Variants in HECW1 observed in about 807,000 individuals in gnomAD.
The protein encoded by HECW1 is HECT, C2 and WW domain containing E3 ubiquitin protein ligase 1, also known as E3 ubiquitin-protein ligase HECW1.
A neutral mutation model predicts 182.3 loss-of-function variants in HECW1; 61 were observed. The observed-to-expected ratio is 0.33, with a 90% CI of 0.27 to 0.41. The LOEUF (loss-of-function observed/expected upper bound fraction) is 0.41. Among genes scored for constraint, HECW1 ranks in the 10% least tolerant of loss-of-function variants. HECW1 has a pLI of 1.00. For missense variants in HECW1, 1,739 were observed against 2,108.9 expected, an observed-to-expected ratio of 0.82 and a Z score of 3.44; for synonymous variants, 859 against 832.6, an observed-to-expected ratio of 1.03 and a Z score of -0.55.
At chr7:43,540,031 C>T (rs2081308494) in intron 24 of HECW1, among the ~76,000 whole-genome samples, 1 of 152,162 alleles carries the variant, frequency 6.6e-6, no homozygotes, top group South Asian at 2.1e-4. Flanking sequence ...CTAGTCTCTT[C>T]AGAGTCAATA....
intron 3 of HECW1, among the ~76,000 whole-genome samples, chr7:43,260,563 T>C (rs1801065871): frequency 6.6e-6 from 1 of 152,172 alleles, no homozygotes; most frequent in South Asian, 2.1e-4. Flanking sequence ...GTTTGAAAAA[T>C]TCTGGATAAA....
At chr7:43,184,876 A>G (rs1298296556) in intron 2 of HECW1, among the ~76,000 whole-genome samples, 3 of 152,104 alleles carry the variant, frequency 2.0e-5, no homozygotes, top group African/African-American at 7.2e-5. Context: ...GGCAGGTCTT[A>G]CATGGCTGGA....
chr7:43,282,280 GGA>G (rs1217769993), intron 3 of HECW1, among the ~76,000 whole-genome samples: 1 of 152,204 alleles, frequency 6.6e-6, no homozygotes, highest in Non-Finnish European at 1.5e-5. Flanking sequence ...GCAGGTGGCA[GGA>G]CAAGGCAAGG....
chr7:43,496,263 A>G (rs557108316), intron 19 of HECW1, among the ~76,000 whole-genome samples: 1 of 151,522 alleles, frequency 6.6e-6, no homozygotes, highest in South Asian at 2.1e-4. Flanking sequence ...GGAAGCACTT[A>G]TGGACTCTCC....
At chr7:43,561,719 G>T (rs2035190093) in intron 29 of HECW1, 96 bp from the exon 30 acceptor site, 2 of 800,388 alleles carry the variant, frequency 2.5e-6, no homozygotes, top group African/African-American at 1.7e-5. Flanking sequence ...GCTCACTTTT[G>T]ATTCCTTTTT....
At chr7:43,381,638 C>T (rs1442225946) in intron 6 of HECW1, among the ~76,000 whole-genome samples, 1 of 152,136 alleles carries the variant, frequency 6.6e-6, no homozygotes, top group Non-Finnish European at 1.5e-5. Context: ...TCTCTCCTGT[C>T]TCAACCTCCC....
At chr7:43,548,643 T>A (rs2081664762) in intron 26 of HECW1, among the ~76,000 whole-genome samples, 2 of 152,094 alleles carry the variant, frequency 1.3e-5, no homozygotes, top group African/African-American at 4.8e-5. Flanking sequence ...TTTTTTCTCA[T>A]ATAAAAGCCC....
rs532706958 is a variant in HECW1, at chr7:43,412,295, C to T, written c.801+4564C>T. Among the ~76,000 whole-genome samples the T allele has an allele frequency of 5.3e-5, 8 of 152,046 alleles. No homozygotes were observed. In the East Asian group the frequency reaches 1.2e-3, roughly 22 times the overall value. On this transcript the variant is annotated intron_variant, in intron 8 of 29. Transcript: ENST00000395891. ...TATTATATATATCACATTGTATATACATTATAAACCCTACATGACGATGTT... is the reference window on the plus strand; with the variant it reads ...TATTATATATATCACATTGTATATATATTATAAACCCTACATGACGATGTT...
chr7:43,460,415 A>G (rs1179330204), intron 13 of HECW1, among the ~76,000 whole-genome samples: 1 of 152,156 alleles, frequency 6.6e-6, no homozygotes, highest in Non-Finnish European at 1.5e-5. Flanking sequence ...AGTTTCTCCC[A>G]TGTGAATTGT....
At chr7:43,384,349 A>G (rs975648923) in intron 6 of HECW1, among the ~76,000 whole-genome samples, 1 of 152,200 alleles carries the variant, frequency 6.6e-6, no homozygotes, top group African/African-American at 2.4e-5. Flanking sequence ...CCAGCAACCC[A>G]TGGGTAGCAG....
intron 2 of HECW1, among the ~76,000 whole-genome samples, chr7:43,191,098 A>G (rs1054490125): frequency 2.6e-5 from 4 of 152,230 alleles, no homozygotes; most frequent in African/African-American, 9.7e-5. Flanking sequence ...TATAAAATGC[A>G]AACAGTGGAA....
chr7:43,528,259 G>A (rs1425471863), intron 24 of HECW1, among the ~76,000 whole-genome samples: 1 of 152,144 alleles, frequency 6.6e-6, no homozygotes, highest in Non-Finnish European at 1.5e-5. Context: ...ATGCTTTAGA[G>A]GTCAATGAAA....
chr7:43,219,318 T>C (rs1796742196), intron 2 of HECW1, among the ~76,000 whole-genome samples: 1 of 152,118 alleles, frequency 6.6e-6, no homozygotes, highest in Non-Finnish European at 1.5e-5. Context: ...ACAAGAAATG[T>C]TTCTGGAGCC....
At chr7:43,493,021 A>G (rs531557473) in intron 18 of HECW1, 63 bp from the exon 19 acceptor site, 4 of 1,120,928 alleles carry the variant, frequency 3.6e-6, no homozygotes, top group South Asian at 2.8e-5. Flanking sequence ...CCATTTTCCA[A>G]TCATCAGAGT....
intron 7 of HECW1, among the ~76,000 whole-genome samples, chr7:43,400,523 C>G (rs1038872135): frequency 1.3e-5 from 2 of 151,978 alleles, no homozygotes; most frequent in African/African-American, 4.8e-5. Flanking sequence ...CTATAATACT[C>G]AAGAGAAAAA....
chr7:43,295,360 G>A (rs1805910892), intron 3 of HECW1, among the ~76,000 whole-genome samples: 1 of 152,158 alleles, frequency 6.6e-6, no homozygotes, highest in Admixed American at 6.5e-5. Context: ...TAGAATAGGA[G>A]GCAGGTTGGC....
At chr7:43,386,795 G>A (rs1412828007) in intron 6 of HECW1, among the ~76,000 whole-genome samples, 1 of 152,130 alleles carries the variant, frequency 6.6e-6, no homozygotes, top group Non-Finnish European at 1.5e-5. Flanking sequence ...GCCAGCTGAA[G>A]GGTGTAGAAG....
At chr7:43,336,144 T>TTCTCTCTCTC (rs768468130) in intron 5 of HECW1, among the ~76,000 whole-genome samples, 28 of 51,976 alleles carry the variant, frequency 5.4e-4, no homozygotes, top group Non-Finnish European at 8.1e-4. Flanking sequence ...CTCTCTCTCT[T>TTCTCTCTCTC]TCTCTCTCTC....
chr7:43,462,178 G>T (rs556726007), intron 13 of HECW1, among the ~76,000 whole-genome samples: 1 of 152,132 alleles, frequency 6.6e-6, no homozygotes, highest in Non-Finnish European at 1.5e-5. Context: ...CTGCTACCTT[G>T]TCTCTCATCC....
Sources: allele counts gnomAD v4.1 joint callset (sites outside exome capture counted in the v4.1 genomes callset), GRCh38; gene constraint gnomAD v4.1.1; transcripts MANE v1.5; gene names NCBI Gene and HGNC (gene_info 2026-07-23, HGNC 2026-07-21).